FHIT: variants seen among roughly 807,000 people sequenced by gnomAD.
FHIT encodes fragile histidine triad diadenosine triphosphatase.
FHIT carries 19 observed loss-of-function variants against 17.9 expected under a neutral mutation model. The ratio of observed to expected loss-of-function variants is 1.06; its 90% CI spans 0.74 to 1.56. The LOEUF is 1.56. Ranked by LOEUF, FHIT falls within the 40% of genes most tolerant of loss-of-function variation. FHIT has a pLI of 0.00. For synonymous variants in FHIT, 81 were observed against 69.7 expected, an observed-to-expected ratio of 1.16 and a Z score of -0.81; for missense variants, 248 against 189.2, an observed-to-expected ratio of 1.31 and a Z score of -1.82.
intron 7 of FHIT, among the ~76,000 whole-genome samples, chr3:60,010,815 C>T (rs1575877594): frequency 6.6e-6 from 1 of 152,030 alleles, no homozygotes; most frequent in Non-Finnish European, 1.5e-5. Flanking sequence ...TCCACTGACT[C>T]CATTAGGTTT....
chr3:59,895,528 A>G (rs891992397), intron 8 of FHIT, among the ~76,000 whole-genome samples: 2 of 152,100 alleles, frequency 1.3e-5, no homozygotes, highest in Non-Finnish European at 2.9e-5. Context: ...GACACTTCCA[A>G]TAAATCTGTC....
At chr3:60,829,551 G>A (rs1702244580) in intron 3 of FHIT, among the ~76,000 whole-genome samples, 1 of 152,128 alleles carries the variant, frequency 6.6e-6, no homozygotes, top group Non-Finnish European at 1.5e-5. Flanking sequence ...AAAGTTATTA[G>A]AAGAGGAGAA....
At chr3:60,690,445 T>C (rs569588841) in intron 4 of FHIT, 107 of 578,238 alleles carry the variant, frequency 1.9e-4, no homozygotes, top group Admixed American at 1.4e-3. Context: ...AGGACCTGTA[T>C]GCTTCAGGAT....
intron 2 of FHIT, among the ~76,000 whole-genome samples, chr3:61,092,109 G>A (rs1369204878): frequency 6.6e-6 from 1 of 151,652 alleles, no homozygotes; most frequent in Non-Finnish European, 1.5e-5. Flanking sequence ...AGAGTGGTGG[G>A]GTGGGGGTAG....
chr3:59,965,979 C>A (rs56963766), intron 7 of FHIT, among the ~76,000 whole-genome samples: 15,119 of 152,060 alleles, frequency 0.099, 913 homozygotes, highest in Admixed American at 0.14. Context: ...CCTTTCTAGA[C>A]TGGATGAATA....
chr3:60,188,817 T>C (rs953038056), intron 5 of FHIT, among the ~76,000 whole-genome samples: 8 of 152,150 alleles, frequency 5.3e-5, no homozygotes, highest in Non-Finnish European at 1.2e-4. Context: ...CCTTGTATTC[T>C]TAAGAATGCA....
chr3:60,759,650 GA>G (rs1366138945), intron 4 of FHIT, among the ~76,000 whole-genome samples: 1 of 151,736 alleles, frequency 6.6e-6, no homozygotes, highest in Non-Finnish European at 1.5e-5. Context: ...AAAGCCAACT[GA>G]AAAAAAAGTA....
intron 5 of FHIT, among the ~76,000 whole-genome samples, chr3:60,497,683 T>C (rs760623180): frequency 1.3e-5 from 2 of 152,204 alleles, no homozygotes; most frequent in African/African-American, 4.8e-5. Context: ...AAGAACATTC[T>C]AAAACCAGCT....
intron 4 of FHIT, among the ~76,000 whole-genome samples, chr3:60,789,888 G>A (rs73107606): frequency 0.038 from 5,843 of 152,232 alleles, 130 homozygotes; most frequent in South Asian, 0.067. Flanking sequence ...ACCAGAGTTG[G>A]CATGTGTTGT....
At chr3:61,119,895 G>A (rs539105785) in intron 2 of FHIT, among the ~76,000 whole-genome samples, 1 of 152,206 alleles carries the variant, frequency 6.6e-6, no homozygotes, top group South Asian at 2.1e-4. Flanking sequence ...CTCAGGCTGA[G>A]ACTATACCGC....
intron 8 of FHIT, among the ~76,000 whole-genome samples, chr3:59,871,665 C>T (rs1325830567): frequency 1.3e-5 from 2 of 152,156 alleles, no homozygotes; most frequent in Non-Finnish European, 2.9e-5. Flanking sequence ...TGTCTGGGTT[C>T]AGTGGGTAAA....
At chr3:59,942,085 G>T (rs1706549314) in intron 7 of FHIT, among the ~76,000 whole-genome samples, 1 of 152,108 alleles carries the variant, frequency 6.6e-6, no homozygotes, top group Admixed American at 6.5e-5. Flanking sequence ...ACTAGGGGTG[G>T]ACCCTGTTAA....
At chr3:61,231,863 A>G (rs1437203971) in intron 1 of FHIT, among the ~76,000 whole-genome samples, 1 of 152,238 alleles carries the variant, frequency 6.6e-6, no homozygotes, top group African/African-American at 2.4e-5. Flanking sequence ...CATATGGAAA[A>G]TGAAACTGTG....
chr3:61,032,068 T>C (rs547268931), intron 3 of FHIT, among the ~76,000 whole-genome samples: 1 of 152,310 alleles, frequency 6.6e-6, no homozygotes, highest in South Asian at 2.1e-4. Context: ...AGCAACCAAA[T>C]TATTACCAAC....
chr3:59,926,476 C>T (rs1342075742), intron 7 of FHIT, among the ~76,000 whole-genome samples: 2 of 152,048 alleles, frequency 1.3e-5, no homozygotes, highest in Non-Finnish European at 2.9e-5. Context: ...AAATAAGTGT[C>T]CTGAAGAAAA....
chr3:60,164,762 T>C (rs1701090033), intron 5 of FHIT, among the ~76,000 whole-genome samples: 1 of 152,092 alleles, frequency 6.6e-6, no homozygotes, highest in Non-Finnish European at 1.5e-5. Context: ...CCCTCACTCC[T>C]AGTTTGGGAT....
Position 60,537,092 on chromosome 3 carries a change from C to A in FHIT, c.-17-113G>T, listed in dbSNP as rs545069726. The A allele has an allele frequency of 7.0e-4, 589 of 835,626 alleles. 3 individuals are homozygous for A. Among genetic ancestry groups the A allele is most frequent in the Non-Finnish European group, 8.5e-4 (497 of 585,270 alleles). 51.8% of individuals were successfully genotyped at this position (835,626 alleles called of 1,614,324 possible). A position where few individuals can be genotyped will look rare whatever the true frequency, so the allele number is the denominator to read the frequency against. The stretch of plus-strand genomic sequence containing the variant: ...CAGATTCTTAGTTGCAGAGAGGATG[C>A]CATTGAAATTGTTCCTCATTGAATG... On this transcript the variant is annotated intron_variant, in intron 4 of 9. Coordinates refer to ENST00000492590, the MANE Select transcript of FHIT (RefSeq NM_002012.4).
intron 1 of FHIT, among the ~76,000 whole-genome samples, chr3:61,203,429 C>T (rs1290820905): frequency 6.6e-6 from 1 of 150,590 alleles, no homozygotes; most frequent in Non-Finnish European, 1.5e-5. Flanking sequence ...TAAATCAGAA[C>T]ATTTTTCAAA....
chr3:60,172,577 G>T (rs1021922014), intron 5 of FHIT, among the ~76,000 whole-genome samples: 2 of 152,094 alleles, frequency 1.3e-5, no homozygotes, highest in African/African-American at 4.8e-5. Context: ...CACCAGGACT[G>T]AAGTGTGTTT....
Sources: gnomAD v4.1 joint callset for allele counts (sites outside exome capture counted in the v4.1 genomes callset) on GRCh38, gnomAD v4.1.1 for gene constraint, MANE v1.5 for transcripts, NCBI Gene and HGNC (gene_info 2026-07-23, HGNC 2026-07-21) for gene names.